Variants in MTF2 observed in about 807,000 individuals in gnomAD.
MTF2 encodes metal response element binding transcription factor 2.
Under a neutral mutation model 79.5 loss-of-function variants are expected in MTF2, and 11 were observed. The observed-to-expected ratio is 0.14, with a 90% CI of 0.09 to 0.23. The LOEUF (loss-of-function observed/expected upper bound fraction) is 0.23, where lower values mean the gene tolerates loss of function less well. Ranked by LOEUF, MTF2 falls within the 10% of genes least tolerant of loss-of-function variation. MTF2 has a pLI of 1.00. For synonymous variants in MTF2, 208 were observed against 232.8 expected, an observed-to-expected ratio of 0.89 and a Z score of 0.97; for missense variants, 486 against 711.2, an observed-to-expected ratio of 0.68 and a Z score of 3.60.
intron 1 of MTF2, among the ~76,000 whole-genome samples, chr1:93,101,392 T>A (rs868413284): frequency 6.0e-4 from 79 of 131,954 alleles, no homozygotes; most frequent in Middle Eastern, 7.4e-3. Context: ...TTTTTTTTTT[T>A]AAAAGGAGAT....
chr1:93,133,596 A>G, intron 11 of MTF2, 107 bp from the exon 12 acceptor site: 1 of 456,490 alleles, frequency 2.2e-6, no homozygotes, highest in Non-Finnish European at 3.5e-6. Context: ...TATTACCATT[A>G]ATATAAAATA....
At chr1:93,099,573 A>G (rs923834277) in intron 1 of MTF2, among the ~76,000 whole-genome samples, 4 of 152,184 alleles carry the variant, frequency 2.6e-5, no homozygotes, top group African/African-American at 4.8e-5. Flanking sequence ...TCAACATTAA[A>G]TTCTGTATCT....
Position 93,079,371 on chromosome 1 carries a change from C to T in MTF2, c.-156C>T. On this transcript the variant is annotated 5_prime_UTR_variant, in exon 1 of 15. Coordinates refer to ENST00000370298, the MANE Select transcript of MTF2 (RefSeq NM_007358.4). ...AAGAACGCTCATTCTACCCCCAACC[C>T]TTGTCTCCAAGGACCTCGGTTTGTG... 1.0e-5 allele frequency: 9 copies of T among 865,328 alleles called. No individual in the cohort carries two copies. The South Asian group carries it at 1.3e-4, about 13-fold the overall frequency. The allele number at this position is 865,328 out of a possible 1,614,324, so 53.6% of individuals were successfully genotyped here. A position where few individuals can be genotyped will look rare whatever the true frequency, so the allele number is the denominator to read the frequency against.
chr1:93,105,007 A>G (rs1377700309), intron 1 of MTF2, among the ~76,000 whole-genome samples: 2 of 151,672 alleles, frequency 1.3e-5, no homozygotes, highest in African/African-American at 4.8e-5. Context: ...AGCCGGGTGT[A>G]GTGGCGGGCG....
At chr1:93,135,729 T>G (rs1462297593) in intron 14 of MTF2, among the ~76,000 whole-genome samples, 2 of 152,196 alleles carry the variant, frequency 1.3e-5, no homozygotes, top group Admixed American at 6.5e-5. Flanking sequence ...GAGGATTACT[T>G]GAGCCCAGGA....
Position 93,114,671 on chromosome 1 carries a change from T to C in MTF2, c.287-17T>C, listed in dbSNP as rs370879204. On this transcript the variant is annotated splice_polypyrimidine_tract_variant and intron_variant, in intron 3 of 14. Coordinates refer to ENST00000370298, the MANE Select transcript of MTF2 (RefSeq NM_007358.4). ...TTTTTTATGACTCTCTTTTTTAATG[T>C]GTTTTAAATATTTTAGGAGCCACTG... 2.1e-5 allele frequency: 33 copies of C among 1,562,666 alleles called. No individual in the cohort carries two copies. Among genetic ancestry groups the C allele is most frequent in the Non-Finnish European group, 2.6e-6 (3 of 1,154,502 alleles).
chr1:93,114,813 C>A (rs1656179972), intron 4 of MTF2, 30 bp downstream of exon 4: 1 of 1,507,772 alleles, frequency 6.6e-7, no homozygotes, highest in Non-Finnish European at 9.1e-7. Context: ...AATCTTGTTA[C>A]ATACTGAATG....
chr1:93,102,902 C>T (rs1250685676), intron 1 of MTF2, among the ~76,000 whole-genome samples: 2 of 151,990 alleles, frequency 1.3e-5, no homozygotes, highest in African/African-American at 4.8e-5. Context: ...AAGGCCGAGG[C>T]GGGCAAATCA....
At chr1:93,085,241 T>C (rs1344344614) in intron 1 of MTF2, among the ~76,000 whole-genome samples, 1 of 151,426 alleles carries the variant, frequency 6.6e-6, no homozygotes, top group East Asian at 1.9e-4. Context: ...AGTGGCACCA[T>C]CTCGGCTCAG....
chr1:93,104,677 C>CA (rs35746040), intron 1 of MTF2, among the ~76,000 whole-genome samples: 1,140 of 96,306 alleles, frequency 0.012, 17 homozygotes, highest in African/African-American at 0.034. Context: ...GACTCCATCT[C>CA]AAAAAAAAAA....
At position 93,138,182 on chromosome 1, in the gene MTF2, G is replaced by A. The variant is rs1647475721; in HGVS notation, c.*1155G>A. 1 of 152,044 alleles carries A rather than the reference G, an allele frequency of 6.6e-6. No homozygotes were observed. Among genetic ancestry groups the A allele is most frequent in the Non-Finnish European group, 1.5e-5 (1 of 68,002 alleles). 9.4% of individuals were successfully genotyped at this position (152,044 alleles called of 1,614,324 possible). ...ACATTACCTCTTGTTTTTATAAAGTGTACCAAGATTTAAATTGATAACTTT... is the reference window on the plus strand; with the variant it reads ...ACATTACCTCTTGTTTTTATAAAGTATACCAAGATTTAAATTGATAACTTT... On this transcript the variant is annotated 3_prime_UTR_variant, in exon 15 of 15. Transcript: ENST00000370298.
At chr1:93,124,256 T>C (rs1227685843) in intron 9 of MTF2, among the ~76,000 whole-genome samples, 2 of 152,076 alleles carry the variant, frequency 1.3e-5, no homozygotes. Flanking sequence ...TGGATTATTT[T>C]CTTTGAGATA....
chr1:93,121,792 ATTTTTTTT>A (rs71094231), intron 9 of MTF2: 32 of 702,974 alleles, frequency 4.6e-5, no homozygotes, highest in Non-Finnish European at 5.3e-5. Context: ...TGTACATTTG[ATTTTTTTT>A]TTTTTTTTTT....
intron 7 of MTF2, 55 bp downstream of exon 7, chr1:93,118,495 T>C (rs138683141): frequency 1.4e-5 from 18 of 1,267,194 alleles, no homozygotes; most frequent in Admixed American, 4.4e-5. Context: ...TTAATTGTGG[T>C]TATATTTGTG....
At chr1:93,133,071 T>C (rs1647211005) in intron 11 of MTF2, among the ~76,000 whole-genome samples, 1 of 150,856 alleles carries the variant, frequency 6.6e-6, no homozygotes, top group Non-Finnish European at 1.5e-5. Flanking sequence ...GTTTAAAAAA[T>C]GGTTTTCTAG....
chr1:93,103,351 A>G (rs1024852215), intron 1 of MTF2, among the ~76,000 whole-genome samples: 1 of 151,714 alleles, frequency 6.6e-6, no homozygotes, highest in Non-Finnish European at 1.5e-5. Flanking sequence ...GAAACATCCT[A>G]AATGTTCCTC....
chr1:93,096,507 T>A (rs1349152113), intron 1 of MTF2, among the ~76,000 whole-genome samples: 1 of 152,106 alleles, frequency 6.6e-6, no homozygotes. Context: ...TTGGTGCCAT[T>A]TGTTCTGTCA....
chr1:93,123,439 A>T (rs866617550), intron 9 of MTF2, among the ~76,000 whole-genome samples: 2 of 152,042 alleles, frequency 1.3e-5, no homozygotes, highest in Middle Eastern at 3.2e-3. Context: ...AATGAAACAA[A>T]ATAGAACAAA....
chr1:93,120,328 A>G (rs1656425644), intron 8 of MTF2: 2 of 282,066 alleles, frequency 7.1e-6, no homozygotes, highest in Admixed American at 5.6e-5. Flanking sequence ...AAAAGAAGTA[A>G]TTCATATATC....
Sources: allele counts gnomAD v4.1 joint callset (sites outside exome capture counted in the v4.1 genomes callset), GRCh38; gene constraint gnomAD v4.1.1; transcripts MANE v1.5; gene names NCBI Gene and HGNC (gene_info 2026-07-23, HGNC 2026-07-21).